The following LRP3 variants were observed in gnomAD, a reference collection of about 807,000 sequenced individuals.
LRP3 encodes the protein low-density lipoprotein receptor-related protein 3.
Under a neutral mutation model 58.5 loss-of-function variants are expected in LRP3, and 49 were observed. The ratio of observed to expected loss-of-function variants is 0.84; its 90% CI spans 0.67 to 1.06. LRP3 has a LOEUF of 1.06. Among genes scored for constraint, LRP3 ranks in the 50% least tolerant of loss-of-function variants. LRP3 has a pLI of 0.00. For synonymous variants in LRP3, 485 were observed against 492.2 expected (o/e 0.99, Z 0.20); for missense variants, 1,019 against 1,134.2 (o/e 0.90, Z 1.46).
rs576043663 is a variant in LRP3, at chr19:33,203,329, T to A, written c.260+343T>A. Among the ~76,000 whole-genome samples the A allele has an allele frequency of 7.3e-3, 1,091 of 149,396 alleles. 12 individuals carry two copies. Among genetic ancestry groups the A allele is most frequent in the African/African-American group, 0.026 (1,052 of 40,584 alleles). On this transcript the variant is annotated intron_variant, in intron 3 of 6. Transcript: ENST00000253193. Reference sequence around the variant, plus strand: ...GTAAGTAGGTGTGTGTGCATATGTGTGTGTGTGCATGTATGTGAACACATG... The same window carrying A: ...GTAAGTAGGTGTGTGTGCATATGTGAGTGTGTGCATGTATGTGAACACATG...
At position 33,194,734 on chromosome 19, in the gene LRP3, G is replaced by C. The variant is rs901773592; in HGVS notation, c.-52G>C. On this transcript the variant is annotated 5_prime_UTR_variant, in exon 1 of 7. Transcript: ENST00000253193. ...CAGAGCCGGAGCCGCAGCCGGAACC[G>C]GAGCCGGAGCCGCGGGGCAGGAGGC... is the stretch of plus-strand genomic sequence containing the variant. 1.8e-6 allele frequency: 1 copy of C among 568,216 alleles called. No homozygotes were observed. The highest frequency in any genetic ancestry group is 2.2e-5 in the African/African-American group (1 of 44,722). 35.2% of individuals were successfully genotyped at this position (568,216 alleles called of 1,614,324 possible). A position where few individuals can be genotyped will look rare whatever the true frequency, so the allele number is the denominator to read the frequency against.
chr19:33,205,352 C>T lies in LRP3; in HGVS notation c.582C>T (p.Gly194=). Residue 194 remains glycine, a synonymous_variant, in exon 5 of 7, where the codon GGC becomes GGT. Transcript: ENST00000253193. The part of the protein sequence containing the change: ...QCNTVDECGD[G]SDEGNCSAPA... ...ACACGGTGGACGAGTGTGGAGACGG[C>T]TCTGATGAGGGCAACTGCTCGGCGC... 2 of 1,608,228 alleles carry T rather than the reference C, an allele frequency of 1.2e-6. No homozygotes were observed. The highest frequency in any genetic ancestry group is 1.7e-6 in the Non-Finnish European group (2 of 1,176,864).
intron 2 of LRP3, among the ~76,000 whole-genome samples, chr19:33,198,277 T>A (rs913324478): frequency 6.6e-6 from 1 of 152,186 alleles, no homozygotes; most frequent in Non-Finnish European, 1.5e-5. Context: ...TGCGTTTGGT[T>A]GTCCTTAGCT....
Position 33,207,582 on chromosome 19 carries a change from G to A in LRP3, c.*7G>A, listed in dbSNP as rs778821484. On this transcript the variant is annotated 3_prime_UTR_variant, in exon 7 of 7. Coordinates refer to ENST00000253193, the MANE Select transcript of LRP3 (RefSeq NM_002333.4). Reference sequence around the variant, plus strand: ...GGCCCTGTTGGTCTGTTGACCGCTGGGCTCGCTGGTGACCGCCACAGCCCC... The same window carrying A: ...GGCCCTGTTGGTCTGTTGACCGCTGAGCTCGCTGGTGACCGCCACAGCCCC... 2 of 1,592,428 alleles carry A rather than the reference G, an allele frequency of 1.3e-6. No individual in the cohort carries two copies. Among genetic ancestry groups the A allele is most frequent in the East Asian group, 2.2e-5 (1 of 44,816 alleles).
rs574228356 is a variant in LRP3, at chr19:33,206,854, G to A, written c.1725+121G>A. ...TGCGCAGGGTGACCTGAGGGCCCAT[G>A]GCCAGGTGGGGGGGGTGGACAAGGT... On this transcript the variant is annotated intron_variant, in intron 6 of 6. Transcript: ENST00000253193. 8 of 1,259,312 alleles carry A rather than the reference G, an allele frequency of 6.4e-6. No homozygotes were observed. The Admixed American group carries it at 1.7e-4, about 27-fold the overall frequency. The allele number at this position is 1,259,312 out of a possible 1,614,324, so 78.0% of individuals were successfully genotyped here.
rs1299344426 is a variant in LRP3 at position 33,196,815 on chromosome 19, G to C, written c.121+38G>C. 3.7e-6 allele frequency: 6 copies of C among 1,604,088 alleles called. No homozygotes were observed. The East Asian group carries it at 6.7e-5, about 18-fold the overall frequency. ...TTTCTCTCCTTCCTCCACTCCTTCA[G>C]TCCCTTTTGGGTGAGTGGTCCCTGA... On this transcript the variant is annotated intron_variant, in intron 2 of 6. Coordinates refer to ENST00000253193, the MANE Select transcript of LRP3 (RefSeq NM_002333.4).
chr19:33,206,771 C>T (rs1159330165), intron 6 of LRP3, 38 bp downstream of exon 6: 2 of 1,501,446 alleles, frequency 1.3e-6, no homozygotes, highest in Non-Finnish European at 1.8e-6. Context: ...TCCGGGGCCA[C>T]TTGGGACAGT....
In LRP3 at chr19:33,205,868, C is replaced by T. The variant is rs772052278; in HGVS notation, c.1098C>T (p.Gly366=). 1.9e-6 allele frequency: 3 copies of T among 1,605,648 alleles called. No homozygotes were observed. The highest frequency in any genetic ancestry group is 2.6e-6 in the Non-Finnish European group (3 of 1,176,418). The part of the protein sequence containing the change: ...HGFNATYQVK[G]YCLPWEQPCG... ...TCAATGCCACCTACCAGGTGAAGGG[C>T]TATTGCCTCCCCTGGGAGCAGCCGT... The change falls in exon 5 of 7, where the codon GGC becomes GGT. Residue 366 remains glycine, a synonymous_variant. Coordinates refer to ENST00000253193, the MANE Select transcript of LRP3 (RefSeq NM_002333.4).
chr19:33,202,116 T>C (rs1199025731), intron 2 of LRP3, among the ~76,000 whole-genome samples: 1 of 150,398 alleles, frequency 6.6e-6, no homozygotes, highest in Non-Finnish European at 1.5e-5. Flanking sequence ...TGAGCCTGTT[T>C]CCTCACCTGG....
At position 33,206,196 on chromosome 19, in the gene LRP3, G is replaced by A. The variant is rs1242589717; in HGVS notation, c.1426G>A (p.Gly476Ser). ...LCIFETWRCD[G>S]QEDCQDGSDE... ...CATCTTCGAGACGTGGCGCTGTGAC[G>A]GCCAGGAAGACTGCCAGGACGGCAG... Residue 476 changes from glycine (G) to serine (S), a missense_variant, in exon 5 of 7, where the codon GGC (glycine) becomes AGC (serine). Physicochemically the swap from Gly to Ser is moderately conservative, Grantham distance 56. Coordinates refer to ENST00000253193, the MANE Select transcript of LRP3 (RefSeq NM_002333.4). 1.1e-5 allele frequency: 18 copies of A among 1,594,426 alleles called. No individual in the cohort carries two copies. The highest frequency in any genetic ancestry group is 5.5e-5 in the South Asian group (5 of 90,510).
intron 2 of LRP3, 26 bp from the exon 3 acceptor site, chr19:33,202,822 C>T (rs1455891410): frequency 1.3e-6 from 2 of 1,586,312 alleles, no homozygotes; most frequent in Non-Finnish European, 1.7e-6. Flanking sequence ...GATGGGCCGG[C>T]CTTTCTCGGC....
rs1365698269 is a variant in LRP3, at chr19:33,205,642, C to T, written c.872C>T (p.Ser291Phe). ...HCTWLVDTQD[S>F]RRVLLQLELR... is the part of the protein sequence containing the mutation. ...ACGTGGCTGGTGGACACACAGGACT[C>T]CCGGCGGGTGCTGCTGCAGCTGGAA... Residue 291 changes from serine (S) to phenylalanine (F), a missense_variant, in exon 5 of 7, where the codon TCC (serine) becomes TTC (phenylalanine). Physicochemically the swap from Ser to Phe is radical, Grantham distance 155 (BLOSUM62 -2). Coordinates refer to ENST00000253193, the MANE Select transcript of LRP3 (RefSeq NM_002333.4). 6.2e-7 allele frequency: 1 copy of T among 1,610,404 alleles called. No homozygotes were observed. Among genetic ancestry groups the T allele is most frequent in the Non-Finnish European group, 8.5e-7 (1 of 1,179,436 alleles).
At chr19:33,196,692 A>G (rs772311140) in intron 1 of LRP3, 38 bp from the exon 2 acceptor site, 3 of 1,599,312 alleles carry the variant, frequency 1.9e-6, no homozygotes, top group Admixed American at 3.3e-5. Context: ...CCCAGCAGGT[A>G]TGTGGGACCC....
chr19:33,207,060 T>G lies in LRP3; in HGVS notation c.1798T>G (p.Ser600Ala), dbSNP rs1415045161. The G allele has an allele frequency of 6.7e-7, 1 of 1,487,484 alleles. No homozygotes were observed. Among genetic ancestry groups the G allele is most frequent in the Non-Finnish European group, 8.9e-7 (1 of 1,125,084 alleles). 92.1% of individuals were successfully genotyped at this position (1,487,484 alleles called of 1,614,324 possible). A position where few individuals can be genotyped will look rare whatever the true frequency, so the allele number is the denominator to read the frequency against. Residue 600 changes from serine (S) to alanine (A), a missense_variant, in exon 7 of 7, where the codon TCC (serine) becomes GCC (alanine). Transcript: ENST00000253193. ...MRRHASRRGP[S>A]RRRLGRLWNR... is the part of the protein sequence containing the mutation. ...TCGGCACGCCTCCCGCCGGGGGCCC[T>G]CCCGCCGCCGCCTCGGCCGCCTCTG...
In LRP3 at chr19:33,207,412, C is replaced by A; in HGVS notation, c.2150C>A (p.Pro717His). The A allele has an allele frequency of 6.3e-7, 1 of 1,590,474 alleles. No individual in the cohort carries two copies. Among genetic ancestry groups the A allele is most frequent in the South Asian group, 1.1e-5 (1 of 89,088 alleles). Residue 717 changes from proline to histidine, a missense_variant, in exon 7 of 7, where the codon CCT (proline) becomes CAT (histidine). By Grantham distance (77) the Pro-to-His change is moderately conservative. Around this residue, in one of 2 missense-constraint regions of LRP3, gnomAD observed 427 missense variants for 408.6 expected, o/e 1.04. Transcript: ENST00000253193. ...LVDGPAPADA[P>H]REPCSAQDPH... ...GACGGCCCAGCTCCTGCAGATGCAC[C>A]TCGGGAGCCCTGCTCAGCCCAGGAC...
At position 33,204,627 on chromosome 19, in the gene LRP3, C is replaced by A. The variant is rs772417010; in HGVS notation, c.261-11C>A. The A allele has an allele frequency of 1.9e-6, 3 of 1,585,324 alleles. No homozygotes were observed. The highest frequency in any genetic ancestry group is 2.2e-5 in the South Asian group (2 of 90,520). On this transcript the variant is annotated splice_polypyrimidine_tract_variant and intron_variant, in intron 3 of 6. Coordinates refer to ENST00000253193, the MANE Select transcript of LRP3 (RefSeq NM_002333.4). ...CTGCCTCATGTCTGGGTCCTCTCCG[C>A]CCCCCCGCAGCTTCCGCAACTTTGA...
chr19:33,202,711 T>C, intron 2 of LRP3, 137 bp from the exon 3 acceptor site: 1 of 975,080 alleles, frequency 1.0e-6, no homozygotes, highest in Non-Finnish European at 1.5e-6. Context: ...GTTGTGGCCT[T>C]GCCCTTGGCC....
At position 33,206,706 on chromosome 19, in the gene LRP3, G is replaced by A. The variant is rs1395215309; in HGVS notation, c.1698G>A (p.Glu566=). ...CCCAGGGCCTCATTCCACCCGTGGA[G>A]GACTTTCCTGTCTACAGTGCGTCCC... ...LIAQGLIPPV[E]DFPVYSASQA... is the part of the protein sequence containing the mutation. Residue 566 remains glutamate, a synonymous_variant, in exon 6 of 7, where the codon GAG becomes GAA. Transcript: ENST00000253193. The A allele has an allele frequency of 6.5e-7, 1 of 1,538,288 alleles. No homozygotes were observed. The highest frequency in any genetic ancestry group is 8.7e-7 in the Non-Finnish European group (1 of 1,143,318).
intron 1 of LRP3, among the ~76,000 whole-genome samples, chr19:33,195,495 G>C (rs1418397940): frequency 1.3e-5 from 2 of 152,240 alleles, no homozygotes; most frequent in Non-Finnish European, 2.9e-5. Flanking sequence ...GCTCTGTGTA[G>C]GCGAGAGGAG....
Sources: allele counts gnomAD v4.1 joint callset (sites outside exome capture counted in the v4.1 genomes callset), GRCh38; gene constraint gnomAD v4.1.1; regional missense constraint gnomAD v4.1.1; transcripts MANE v1.5; gene names NCBI Gene and HGNC (gene_info 2026-07-23, HGNC 2026-07-21).